The following UBASH3B variants were observed in gnomAD, a reference collection of about 807,000 sequenced individuals.
The protein encoded by UBASH3B is ubiquitin-associated and SH3 domain-containing protein B.
UBASH3B carries 37 observed loss-of-function variants against 83.4 expected under a neutral mutation model. The ratio of observed to expected loss-of-function variants is 0.44; its 90% CI spans 0.34 to 0.58. The LOEUF is 0.58. UBASH3B is among the 20% of genes least tolerant of loss of function. UBASH3B has a pLI of 0.01. For synonymous variants in UBASH3B, 304 were observed against 318.3 expected (o/e 0.96, Z 0.48); for missense variants, 657 against 827.2 (o/e 0.79, Z 2.52).
In UBASH3B at chr11:122,746,470, C is replaced by T. The variant is rs975068456; in HGVS notation, c.162-29749C>T. On this transcript the variant is annotated intron_variant, in intron 1 of 13. Coordinates refer to ENST00000284273, the MANE Select transcript of UBASH3B (RefSeq NM_032873.5). ...CGGGTGATTAAGTTTGACAAGAAAGCGTCACTTCATTCAATCAATAAATTA... is the reference window on the plus strand; with the variant it reads ...CGGGTGATTAAGTTTGACAAGAAAGTGTCACTTCATTCAATCAATAAATTA... Among the ~76,000 whole-genome samples, 14 of 152,316 alleles carry T rather than the reference C, an allele frequency of 9.2e-5. No individual in the cohort carries two copies. In the East Asian group the frequency reaches 1.7e-3, roughly 19 times the overall value.
intron 1 of UBASH3B, among the ~76,000 whole-genome samples, chr11:122,695,416 A>G (rs1863954188): frequency 6.6e-6 from 1 of 152,216 alleles, no homozygotes; most frequent in Non-Finnish European, 1.5e-5. Context: ...TACTCGTGCC[A>G]GCAGGCTGGT....
intron 1 of UBASH3B, among the ~76,000 whole-genome samples, chr11:122,719,610 GCTGGAAAGATCATTTCAT>G (rs1200232603): frequency 1.3e-5 from 2 of 152,098 alleles, no homozygotes; most frequent in Non-Finnish European, 2.9e-5. Context: ...AGCCTTAGTA[GCTGGAAAGATCATTTCAT>G]CTGTTTCTCT....
chr11:122,681,833 T>C (rs150630651), intron 1 of UBASH3B, among the ~76,000 whole-genome samples: 118 of 152,254 alleles, frequency 7.8e-4, no homozygotes, highest in African/African-American at 2.8e-3. Context: ...CTGAGTACTT[T>C]TGGGGAAGGG....
intron 1 of UBASH3B, among the ~76,000 whole-genome samples, chr11:122,690,959 A>C (rs1037617295): frequency 1.3e-5 from 2 of 152,178 alleles, no homozygotes; most frequent in African/African-American, 4.8e-5. Flanking sequence ...TGAAGCCCAG[A>C]GTGCTTAAAT....
intron 1 of UBASH3B, among the ~76,000 whole-genome samples, chr11:122,769,102 A>T (rs1428201409): frequency 6.6e-6 from 1 of 152,232 alleles, no homozygotes; most frequent in Non-Finnish European, 1.5e-5. Context: ...TTTGGCTCTC[A>T]GTTCTGCAGA....
At chr11:122,771,024 G>A (rs1382849913) in intron 1 of UBASH3B, among the ~76,000 whole-genome samples, 1 of 152,186 alleles carries the variant, frequency 6.6e-6, no homozygotes, top group Non-Finnish European at 1.5e-5. Flanking sequence ...GCCTTTGCGA[G>A]TGATCTCCCA....
chr11:122,805,060 A>C (rs1390677460), intron 11 of UBASH3B, among the ~76,000 whole-genome samples: 1 of 152,244 alleles, frequency 6.6e-6, no homozygotes, highest in East Asian at 1.9e-4. Context: ...CGCTGCTGAC[A>C]AAGACATACC....
intron 1 of UBASH3B, among the ~76,000 whole-genome samples, chr11:122,763,620 C>T (rs1400925997): frequency 6.6e-6 from 1 of 152,074 alleles, no homozygotes; most frequent in Non-Finnish European, 1.5e-5. Flanking sequence ...GTGGTAATGT[C>T]CCCAGCAGGC....
chr11:122,770,720 T>A (rs1019526940), intron 1 of UBASH3B, among the ~76,000 whole-genome samples: 1 of 149,636 alleles, frequency 6.7e-6, no homozygotes, highest in Non-Finnish European at 1.5e-5. Context: ...AACTTGTTTC[T>A]ACTCCTGCAT....
chr11:122,810,097 C>G lies in UBASH3B; in HGVS notation c.*211C>G. ...AAAATGTGTTCTCTCTGGACTCTTG[C>G]CTAGCTCACAAGGCTTTGGAGAATT... On this transcript the variant is annotated 3_prime_UTR_variant, in exon 14 of 14. Transcript: ENST00000284273. 1 of 539,994 alleles carries G rather than the reference C, an allele frequency of 1.9e-6. No homozygotes were observed. The highest frequency in any genetic ancestry group is 2.8e-5 in the South Asian group (1 of 36,230). The allele number at this position is 539,994 out of a possible 1,614,324, so 33.5% of individuals were successfully genotyped here. A position where few individuals can be genotyped will look rare whatever the true frequency, so the allele number is the denominator to read the frequency against.
At chr11:122,677,351 T>C (rs1370120768) in intron 1 of UBASH3B, among the ~76,000 whole-genome samples, 2 of 152,230 alleles carry the variant, frequency 1.3e-5, no homozygotes, top group Non-Finnish European at 2.9e-5. Context: ...TCTTTTCAAA[T>C]ATTCTCTCCT....
chr11:122,767,587 A>G (rs889137099), intron 1 of UBASH3B, among the ~76,000 whole-genome samples: 1 of 152,216 alleles, frequency 6.6e-6, no homozygotes, highest in African/African-American at 2.4e-5. Context: ...CTGGGATTAC[A>G]GGCGTGAGCC....
intron 1 of UBASH3B, among the ~76,000 whole-genome samples, chr11:122,667,369 T>A (rs371674340): frequency 3.3e-5 from 5 of 152,306 alleles, no homozygotes. Context: ...TCTCTGTATA[T>A]GTATGTATAT....
intron 11 of UBASH3B, among the ~76,000 whole-genome samples, chr11:122,804,215 G>T (rs1426717507): frequency 6.6e-6 from 1 of 152,116 alleles, no homozygotes; most frequent in Admixed American, 6.6e-5. Flanking sequence ...CTGGGTGAGA[G>T]GTGGGGATGG....
intron 9 of UBASH3B, chr11:122,797,391 T>G (rs986628131): frequency 2.9e-5 from 5 of 172,932 alleles, no homozygotes; most frequent in South Asian, 1.6e-4. Flanking sequence ...GACCCTGGAC[T>G]TGCTGAATTT....
In UBASH3B at chr11:122,728,497, G is replaced by A. The variant is rs148898567; in HGVS notation, c.162-47722G>A. On this transcript the variant is annotated intron_variant, in intron 1 of 13. Transcript: ENST00000284273. ...CCCAATTTCTTTATCTTAGGTCTGA[G>A]CTGTTAAGACCCATAGCTACTTCTC... 5.4e-3 allele frequency among the ~76,000 whole-genome samples: 828 copies of A among 152,320 alleles called. 4 individuals carry two copies. Among genetic ancestry groups the A allele is most frequent in the African/African-American group, 0.018 (764 of 41,570 alleles).
At chr11:122,679,998 T>C (rs1250668288) in intron 1 of UBASH3B, among the ~76,000 whole-genome samples, 7 of 152,052 alleles carry the variant, frequency 4.6e-5, no homozygotes, top group Non-Finnish European at 8.8e-5. Context: ...AGCCGGCTAA[T>C]TTTTGTATTT....
intron 1 of UBASH3B, among the ~76,000 whole-genome samples, chr11:122,717,771 G>A (rs1860549724): frequency 6.6e-6 from 1 of 152,094 alleles, no homozygotes; most frequent in Non-Finnish European, 1.5e-5. Flanking sequence ...GAAGTCACAG[G>A]GGGCCCGGTC....
intron 1 of UBASH3B, among the ~76,000 whole-genome samples, chr11:122,764,222 G>C (rs1860494665): frequency 6.6e-6 from 1 of 152,204 alleles, no homozygotes; most frequent in Non-Finnish European, 1.5e-5. Flanking sequence ...CTAAAGTACA[G>C]TCTTATCTAG....
Sources: gnomAD v4.1 joint callset for allele counts (sites outside exome capture counted in the v4.1 genomes callset) on GRCh38, gnomAD v4.1.1 for gene constraint, MANE v1.5 for transcripts, NCBI Gene and HGNC (gene_info 2026-07-23, HGNC 2026-07-21) for gene names.